Variants in HEMK2 observed in about 807,000 individuals in gnomAD.
The protein encoded by HEMK2 is HemK methyltransferase 2, ETF1 glutamine and histone H4 lysine.
chr21:28,678,029 A>G, the HEMK2 span, among the ~76,000 whole-genome samples: 1 of 152,248 alleles, frequency 6.6e-6, no homozygotes, highest in African/African-American at 2.4e-5. Flanking sequence ...CCAGCAATGG[A>G]ACAAAGCTGG....
At chr21:28,581,848 T>C in the HEMK2 span, among the ~76,000 whole-genome samples, 9 of 152,208 alleles carry the variant, frequency 5.9e-5, no homozygotes, top group Non-Finnish European at 1.0e-4. Flanking sequence ...ATGATCTTAG[T>C]AAATTCTGGA....
At chr21:28,809,505 G>C in the HEMK2 span, among the ~76,000 whole-genome samples, 46 of 152,254 alleles carry the variant, frequency 3.0e-4, no homozygotes, top group Non-Finnish European at 5.6e-4. Context: ...AACAGTTCAT[G>C]TAAGAGCTGA....
chr21:28,800,058 T>C, the HEMK2 span, among the ~76,000 whole-genome samples: 6 of 152,222 alleles, frequency 3.9e-5, no homozygotes, highest in African/African-American at 1.4e-4. Flanking sequence ...CACGTGATGC[T>C]GCAGTTTATG....
chr21:28,662,604 T>C, the HEMK2 span, among the ~76,000 whole-genome samples: 195 of 152,230 alleles, frequency 1.3e-3, 1 homozygote, highest in African/African-American at 4.4e-3. Flanking sequence ...TGGGAGGTAA[T>C]TGGATCGTGG....
At chr21:28,665,334 C>CTTTTTTTTTTTTT in the HEMK2 span, among the ~76,000 whole-genome samples, 16 of 36,658 alleles carry the variant, frequency 4.4e-4, no homozygotes, top group Admixed American at 7.8e-4. Context: ...ATTTATATTT[C>CTTTTTTTTTTTTT]TTTTTTTTTT....
At chr21:28,592,212 G>A in the HEMK2 span, among the ~76,000 whole-genome samples, 3 of 152,160 alleles carry the variant, frequency 2.0e-5, no homozygotes, top group Non-Finnish European at 4.4e-5. Context: ...ACCAGCACCT[G>A]TTATTTTTTG....
chr21:28,690,165 C>T, the HEMK2 span, among the ~76,000 whole-genome samples: 1 of 152,300 alleles, frequency 6.6e-6, no homozygotes, highest in South Asian at 2.1e-4. Flanking sequence ...ATGAGGGAAA[C>T]TGCCCCCATG....
the HEMK2 span, among the ~76,000 whole-genome samples, chr21:28,786,219 G>A: frequency 2.0e-5 from 3 of 152,290 alleles, no homozygotes; most frequent in East Asian, 3.9e-4. Context: ...CTCAACCTGT[G>A]AAATGGTACA....
chr21:28,797,541 G>A, the HEMK2 span, among the ~76,000 whole-genome samples: 4 of 152,060 alleles, frequency 2.6e-5, no homozygotes, highest in African/African-American at 9.7e-5. Context: ...CTTGAATCTG[G>A]GAGGTGGAGG....
At chr21:28,842,124 A>T in the HEMK2 span, among the ~76,000 whole-genome samples, 6 of 152,292 alleles carry the variant, frequency 3.9e-5, no homozygotes, top group African/African-American at 1.4e-4. Context: ...TAGATGCCTG[A>T]CACACTATCC....
the HEMK2 span, among the ~76,000 whole-genome samples, chr21:28,724,927 G>A: frequency 5.0e-5 from 7 of 140,140 alleles, no homozygotes; most frequent in Admixed American, 3.6e-4. Flanking sequence ...GACTACAGGT[G>A]CACACCACCA....
At chr21:28,719,849 A>C in the HEMK2 span, among the ~76,000 whole-genome samples, 4 of 152,206 alleles carry the variant, frequency 2.6e-5, no homozygotes, top group African/African-American at 9.7e-5. Flanking sequence ...CTCCAAAATC[A>C]ATTCTCTCAG....
chr21:28,635,404 T>C, the HEMK2 span, among the ~76,000 whole-genome samples: 6 of 152,122 alleles, frequency 3.9e-5, no homozygotes, highest in Non-Finnish European at 2.9e-5. Flanking sequence ...TAAGTAATAA[T>C]CAAGTCTTCC....
At chr21:28,818,602 T>C in the HEMK2 span, among the ~76,000 whole-genome samples, 1 of 152,004 alleles carries the variant, frequency 6.6e-6, no homozygotes, top group Non-Finnish European at 1.5e-5. Context: ...TTGCCCACCC[T>C]CTCCTTAGGA....
At chr21:28,882,663 G>A in the HEMK2 span, among the ~76,000 whole-genome samples, 1 of 151,928 alleles carries the variant, frequency 6.6e-6, no homozygotes, top group Non-Finnish European at 1.5e-5. Context: ...AAAATTTATA[G>A]GTGATTTTAA....
At chr21:28,648,503 A>AG in the HEMK2 span, among the ~76,000 whole-genome samples, 1 of 152,174 alleles carries the variant, frequency 6.6e-6, no homozygotes, top group African/African-American at 2.4e-5. Context: ...CTAGCACTAA[A>AG]CTTGGTGCCT....
At chr21:28,860,567 A>T in the HEMK2 span, among the ~76,000 whole-genome samples, 2 of 152,010 alleles carry the variant, frequency 1.3e-5, no homozygotes, top group Non-Finnish European at 2.9e-5. Flanking sequence ...TTAAAAAATT[A>T]TGAACTCAAG....
the HEMK2 span, among the ~76,000 whole-genome samples, chr21:28,644,006 C>A: frequency 6.6e-6 from 1 of 152,168 alleles, no homozygotes; most frequent in Admixed American, 6.5e-5. Flanking sequence ...AAGTTGTGTG[C>A]AACACTTACC....
the HEMK2 span, among the ~76,000 whole-genome samples, chr21:28,881,812 A>G: frequency 3.3e-5 from 5 of 151,864 alleles, no homozygotes; most frequent in Middle Eastern, 3.4e-3. Flanking sequence ...TTTAATTTTT[A>G]TTTTTTGTAG....
Sources: allele counts gnomAD v4.1 joint callset (sites outside exome capture counted in the v4.1 genomes callset), GRCh38; gene constraint gnomAD v4.1.1; transcripts MANE v1.5; gene names NCBI Gene and HGNC (gene_info 2026-07-23, HGNC 2026-07-21).